Variants in LRRN2 observed in about 807,000 individuals in gnomAD.
The protein encoded by LRRN2 is leucine-rich repeat neuronal protein 2.
A neutral mutation model predicts 35.7 loss-of-function variants in LRRN2; 10 were observed. The ratio of observed to expected loss-of-function variants is 0.28; its 90% confidence interval spans 0.17 to 0.47. LRRN2 has a LOEUF of 0.47. LRRN2 is among the 20% of genes least tolerant of loss of function. The probability of loss-of-function intolerance (pLI) is 0.99; values close to 1 mark genes in which losing one functional copy is unlikely to be tolerated. For missense variants in LRRN2, 731 were observed against 940.3 expected (o/e 0.78, Z 2.91); for synonymous variants, 391 against 409.6 (o/e 0.95, Z 0.55).
chr1:204,663,719 T>G (rs1159773899), intron 1 of LRRN2, among the ~76,000 whole-genome samples: 1 of 152,158 alleles, frequency 6.6e-6, no homozygotes, highest in African/African-American at 2.4e-5. Flanking sequence ...TTGTGTCTGT[T>G]TGTGTTTCCT....
intron 1 of LRRN2, chr1:204,682,869 C>T (rs1668984158): frequency 6.6e-6 from 1 of 152,210 alleles, no homozygotes; most frequent in Non-Finnish European, 1.5e-5. Context: ...ATGTTCCTCA[C>T]CTCTGCCCCC....
chr1:204,630,487 C>CAT, intron 1 of LRRN2, among the ~76,000 whole-genome samples: 1 of 152,058 alleles, frequency 6.6e-6, no homozygotes, highest in South Asian at 2.1e-4. Flanking sequence ...AGACTCATTT[C>CAT]ATCAGCGGGT....
intron 1 of LRRN2, among the ~76,000 whole-genome samples, chr1:204,643,548 G>A (rs1273083527): frequency 6.6e-6 from 1 of 152,098 alleles, no homozygotes; most frequent in Non-Finnish European, 1.5e-5. Context: ...ATTTGAAGAG[G>A]GGGCGAGGAT....
At chr1:204,661,464 C>T (rs1171204259) in intron 1 of LRRN2, among the ~76,000 whole-genome samples, 7 of 152,142 alleles carry the variant, frequency 4.6e-5, no homozygotes, top group Admixed American at 6.5e-5. Flanking sequence ...CAATGGTTTT[C>T]GAACTTTCCT....
intron 1 of LRRN2, among the ~76,000 whole-genome samples, chr1:204,648,185 G>T (rs1055210552): frequency 2.0e-5 from 3 of 152,174 alleles, no homozygotes; most frequent in Non-Finnish European, 1.5e-5. Context: ...GGGGTTGGCA[G>T]CATGTGTGGA....
chr1:204,678,509 T>G (rs1354472517), intron 1 of LRRN2, among the ~76,000 whole-genome samples: 1 of 152,128 alleles, frequency 6.6e-6, no homozygotes, highest in Non-Finnish European at 1.5e-5. Context: ...CCCATCTTAC[T>G]CTGAGGAAAA....
chr1:204,684,968 C>T (rs1669036503), intron 1 of LRRN2, among the ~76,000 whole-genome samples: 2 of 152,200 alleles, frequency 1.3e-5, no homozygotes, highest in Non-Finnish European at 2.9e-5. Flanking sequence ...CCCACTCTAC[C>T]CAGCAACAGT....
chr1:204,648,112 G>A (rs2815832), intron 1 of LRRN2, among the ~76,000 whole-genome samples: 35,234 of 152,166 alleles, frequency 0.23, 4,766 homozygotes, highest in Non-Finnish European at 0.32. Flanking sequence ...CCCAGCTACA[G>A]CCACTGAAGA....
In LRRN2 at chr1:204,619,978, C is replaced by T. The variant is rs370473450; in HGVS notation, c.15G>A (p.Val5=). 23 of 1,609,852 alleles carry T rather than the reference C, an allele frequency of 1.4e-5. No homozygotes were observed. Among genetic ancestry groups the T allele is most frequent in the East Asian group, 1.3e-4 (6 of 44,754 alleles). Residue 5 remains valine (V), a synonymous_variant, in exon 2 of 2, where the codon GTG becomes GTA. Coordinates refer to ENST00000367177, the MANE Select transcript of LRRN2 (RefSeq NM_201630.2). MRLL[V]APLLLAWVAG... ...CCACCCAAGCTAGCAAGAGTGGGGC[C>T]ACGAGAAGCCTCATGGTGGAGCTGC...
chr1:204,631,077 A>C (rs1571642606), intron 1 of LRRN2, among the ~76,000 whole-genome samples: 1 of 146,644 alleles, frequency 6.8e-6, no homozygotes. Context: ...CCCACCCAAG[A>C]CCTCCAGAAT....
chr1:204,684,415 G>T (rs1387954691), intron 1 of LRRN2, among the ~76,000 whole-genome samples: 1 of 152,128 alleles, frequency 6.6e-6, no homozygotes, highest in African/African-American at 2.4e-5. Context: ...TCGTTTGGGT[G>T]GGGGAGGAAG....
At chr1:204,658,098 C>G (rs1668399662) in intron 1 of LRRN2, among the ~76,000 whole-genome samples, 1 of 151,646 alleles carries the variant, frequency 6.6e-6, no homozygotes, top group Non-Finnish European at 1.5e-5. Flanking sequence ...CTGCCTCAGC[C>G]TCCGGAATAT....
chr1:204,679,930 C>A (rs2102245781), intron 1 of LRRN2, among the ~76,000 whole-genome samples: 1 of 152,346 alleles, frequency 6.6e-6, no homozygotes, highest in African/African-American at 2.4e-5. Flanking sequence ...AGGAGACAGG[C>A]AGCCACTGGC....
rs568229044 is a variant in LRRN2, at chr1:204,626,873, T to C, written c.-226-6655A>G. The C allele has an allele frequency of 2.6e-5, 4 of 152,328 alleles. No homozygotes were observed. In the South Asian group the frequency reaches 8.3e-4, roughly 32 times the overall value. The allele number at this position is 152,328 out of a possible 1,614,324, so 9.4% of individuals were successfully genotyped here. Reference sequence around the variant, plus strand: ...CATTGTATGCGGCCAGACTAAGCATTGTTTTGAGATGCTGCCCCCTATTTT... The same window carrying C: ...CATTGTATGCGGCCAGACTAAGCATCGTTTTGAGATGCTGCCCCCTATTTT... On this transcript the variant is annotated intron_variant, in intron 1 of 1. Coordinates refer to ENST00000367177, the MANE Select transcript of LRRN2 (RefSeq NM_201630.2).
intron 1 of LRRN2, among the ~76,000 whole-genome samples, chr1:204,636,179 C>T (rs1667828489): frequency 6.6e-6 from 1 of 152,214 alleles, no homozygotes; most frequent in African/African-American, 2.4e-5. Flanking sequence ...CTACCCTGAT[C>T]ACCATCAGAA....
intron 1 of LRRN2, among the ~76,000 whole-genome samples, chr1:204,636,169 C>G (rs1217044578): frequency 1.4e-4 from 22 of 152,182 alleles, no homozygotes. Flanking sequence ...GTCATCATAG[C>G]TACCCTGATC....
At chr1:204,649,307 A>G (rs946670108) in intron 1 of LRRN2, among the ~76,000 whole-genome samples, 1 of 152,216 alleles carries the variant, frequency 6.6e-6, no homozygotes, top group Non-Finnish European at 1.5e-5. Context: ...TTCAGAAACC[A>G]CTAGACTGTG....
chr1:204,631,790 T>C (rs184714814), intron 1 of LRRN2, among the ~76,000 whole-genome samples: 1 of 152,044 alleles, frequency 6.6e-6, no homozygotes. Flanking sequence ...TTCAAACATA[T>C]GAAGTGAGTT....
At chr1:204,624,421 G>C (rs1021983607) in intron 1 of LRRN2, among the ~76,000 whole-genome samples, 1 of 152,166 alleles carries the variant, frequency 6.6e-6, no homozygotes, top group Non-Finnish European at 1.5e-5. Context: ...CCCTAGAGCC[G>C]TATTCCAAGA....
Sources: allele counts gnomAD v4.1 joint callset (sites outside exome capture counted in the v4.1 genomes callset), GRCh38; gene constraint gnomAD v4.1.1; transcripts MANE v1.5; gene names NCBI Gene and HGNC (gene_info 2026-07-23, HGNC 2026-07-21).